Variants in TULP3 observed in about 807,000 individuals in gnomAD.
TULP3 encodes the protein tubby-related protein 3.
A neutral mutation model predicts 50.7 loss-of-function variants in TULP3; 38 were observed. That is an observed-to-expected ratio of 0.75 (90% CI 0.58 to 0.98). The LOEUF is 0.98. Among genes scored for constraint, TULP3 ranks in the 50% least tolerant of loss-of-function variants. The pLI is 0.00. For missense variants in TULP3, 550 were observed against 568.0 expected (o/e 0.97, Z 0.32); for synonymous variants, 183 against 196.6 (o/e 0.93, Z 0.58).
chr12:2,932,035 C>G (rs116576965), intron 6 of TULP3, among the ~76,000 whole-genome samples: 1,771 of 152,284 alleles, frequency 0.012, 38 homozygotes, highest in African/African-American at 0.04. Context: ...TGCTTAGCCA[C>G]TGCCACTCTC....
At chr12:2,926,286 G>A (rs895926350) in intron 4 of TULP3, among the ~76,000 whole-genome samples, 4 of 151,888 alleles carry the variant, frequency 2.6e-5, no homozygotes, top group African/African-American at 7.2e-5. Context: ...GATCGCTTGA[G>A]CCCAGGAGTT....
intron 1 of TULP3, among the ~76,000 whole-genome samples, chr12:2,901,769 A>G (rs1294589439): frequency 6.6e-6 from 1 of 152,164 alleles, no homozygotes; most frequent in South Asian, 2.1e-4. Context: ...ATGTTTCACA[A>G]ATATTTTCCC....
In TULP3 at chr12:2,940,204, T is replaced by A; in HGVS notation, c.*760T>A. 7.5e-7 allele frequency: 1 copy of A among 1,329,200 alleles called. No individual in the cohort carries two copies. The highest frequency in any genetic ancestry group is 9.8e-7 in the Non-Finnish European group (1 of 1,016,078). 82.3% of individuals were successfully genotyped at this position (1,329,200 alleles called of 1,614,324 possible). On this transcript the variant is annotated 3_prime_UTR_variant, in exon 11 of 11. Transcript: ENST00000448120. Reference sequence around the variant, plus strand: ...TTCATTTTCAACCCAGGAGTGCCTCTCACAGCTATATGACTACGGATCCAT... The same window carrying A: ...TTCATTTTCAACCCAGGAGTGCCTCACACAGCTATATGACTACGGATCCAT...
intron 1 of TULP3, among the ~76,000 whole-genome samples, chr12:2,901,802 TTTTC>T (rs1377918864): frequency 1.3e-5 from 2 of 152,216 alleles, no homozygotes; most frequent in Non-Finnish European, 2.9e-5. Context: ...TGCCTTCTAA[TTTTC>T]ATAACAGTAT....
At chr12:2,905,694 G>T (rs1251969431) in intron 1 of TULP3, among the ~76,000 whole-genome samples, 1 of 123,826 alleles carries the variant, frequency 8.1e-6, no homozygotes. Flanking sequence ...TGTTCAGCTT[G>T]CCCAGGCTTG....
chr12:2,927,077 T>C (rs2098195108), intron 4 of TULP3, among the ~76,000 whole-genome samples: 1 of 152,168 alleles, frequency 6.6e-6, no homozygotes, highest in African/African-American at 2.4e-5. Context: ...CTACTTGCTG[T>C]CTCTGTGGAT....
At chr12:2,927,300 T>G (rs1294724586) in intron 4 of TULP3, among the ~76,000 whole-genome samples, 1 of 152,144 alleles carries the variant, frequency 6.6e-6, no homozygotes, top group African/African-American at 2.4e-5. Context: ...ACTTTCCCTG[T>G]TAGGAATAAT....
rs2302282 is a variant in TULP3 at position 2,940,465 on chromosome 12, C to T, written c.*1021C>T. The T allele has an allele frequency of 0.21, 312,243 of 1,483,756 alleles. 34,100 individuals are homozygous for T. Among genetic ancestry groups the T allele is most frequent in the East Asian group, 0.34 (13,886 of 40,280 alleles). The allele number at this position is 1,483,756 out of a possible 1,614,324, so 91.9% of individuals were successfully genotyped here. ...CTCAGGCACAGAAGGTGTTTTGCTACGTTTTTTTGATTATTACACCCCTCC... is the reference window on the plus strand; with the variant it reads ...CTCAGGCACAGAAGGTGTTTTGCTATGTTTTTTTGATTATTACACCCCTCC... On this transcript the variant is annotated 3_prime_UTR_variant, in exon 11 of 11. Coordinates refer to ENST00000448120, the MANE Select transcript of TULP3 (RefSeq NM_003324.5).
chr12:2,934,734 C>T (rs1168113772), intron 8 of TULP3, among the ~76,000 whole-genome samples, 173 bp downstream of exon 8: 2 of 152,168 alleles, frequency 1.3e-5, no homozygotes, highest in African/African-American at 4.8e-5. Context: ...TTGCCAAGTT[C>T]AATTATTTTT....
intron 8 of TULP3, among the ~76,000 whole-genome samples, chr12:2,935,390 G>T (rs1436888622): frequency 6.6e-6 from 1 of 152,128 alleles, no homozygotes; most frequent in Non-Finnish European, 1.5e-5. Flanking sequence ...ACATGTATTT[G>T]TTATTACTTG....
intron 7 of TULP3, 60 bp downstream of exon 7, chr12:2,933,590 A>G: frequency 9.7e-7 from 1 of 1,027,116 alleles, no homozygotes; most frequent in Non-Finnish European, 1.5e-6. Flanking sequence ...CTATAGTTGC[A>G]GAACAGTCCT....
At chr12:2,909,460 C>A (rs959533369) in intron 1 of TULP3, 69 bp from the exon 2 acceptor site, 2 of 1,451,080 alleles carry the variant, frequency 1.4e-6, no homozygotes, top group South Asian at 1.2e-5. Flanking sequence ...AGAGTACATA[C>A]ATAAAAAGAT....
chr12:2,900,876 CTTTTTTT>C (rs57315328), intron 1 of TULP3, among the ~76,000 whole-genome samples: 1 of 127,304 alleles, frequency 7.9e-6, no homozygotes, highest in Non-Finnish European at 1.6e-5. Context: ...AGCCGAAATA[CTTTTTTT>C]TTTTTTTTTT....
chr12:2,919,509 T>C (rs1424979326), intron 2 of TULP3, among the ~76,000 whole-genome samples: 3 of 152,192 alleles, frequency 2.0e-5, no homozygotes, highest in Non-Finnish European at 4.4e-5. Context: ...CTCTTCTTCC[T>C]GGAGGCACTT....
intron 1 of TULP3, among the ~76,000 whole-genome samples, chr12:2,901,770 A>C (rs549910370): frequency 2.6e-5 from 4 of 152,318 alleles, no homozygotes; most frequent in Admixed American, 2.6e-4. Context: ...TGTTTCACAA[A>C]TATTTTCCCT....
intron 1 of TULP3, among the ~76,000 whole-genome samples, chr12:2,897,289 C>T (rs2098176108): frequency 6.6e-6 from 1 of 152,120 alleles, no homozygotes; most frequent in Admixed American, 6.6e-5. Context: ...GGATTACAGG[C>T]ATGAGCCACT....
At chr12:2,908,793 T>G (rs2098183859) in intron 1 of TULP3, among the ~76,000 whole-genome samples, 1 of 152,226 alleles carries the variant, frequency 6.6e-6, no homozygotes, top group East Asian at 1.9e-4. Flanking sequence ...TTTTTATTGT[T>G]TTTTTCCTTC....
At chr12:2,936,776 T>C (rs1315316252) in intron 8 of TULP3, among the ~76,000 whole-genome samples, 1 of 146,086 alleles carries the variant, frequency 6.8e-6, no homozygotes, top group African/African-American at 2.5e-5. Context: ...AAGAGTAAAC[T>C]CTCAAGCCAA....
chr12:2,893,355 T>A (rs1314552243), intron 1 of TULP3, among the ~76,000 whole-genome samples: 1 of 136,166 alleles, frequency 7.3e-6, no homozygotes, highest in East Asian at 2.4e-4. Flanking sequence ...CCAAACGGAG[T>A]TTCGCTCTCG....
Sources: allele counts gnomAD v4.1 joint callset (sites outside exome capture counted in the v4.1 genomes callset), GRCh38; gene constraint gnomAD v4.1.1; transcripts MANE v1.5; gene names NCBI Gene and HGNC (gene_info 2026-07-23, HGNC 2026-07-21).